The following UNC79 variants were observed in gnomAD, a reference collection of about 807,000 sequenced individuals.
UNC79 encodes unc-79 subunit of NALCN channel complex.
Under a neutral mutation model 283.1 loss-of-function variants are expected in UNC79, and 37 were observed. That is an observed-to-expected ratio of 0.13 (90% CI 0.10 to 0.17). UNC79 has a LOEUF of 0.17. Ranked by LOEUF, UNC79 falls within the 10% of genes least tolerant of loss-of-function variation. UNC79 has a pLI of 1.00. For synonymous variants in UNC79, 1,107 were observed against 1,200.2 expected, an observed-to-expected ratio of 0.92 and a Z score of 1.61; for missense variants, 2,272 against 3,211.1, an observed-to-expected ratio of 0.71 and a Z score of 7.07.
chr14:93,628,242 C>T (rs931882882), intron 30 of UNC79, among the ~76,000 whole-genome samples: 1 of 152,184 alleles, frequency 6.6e-6, no homozygotes, highest in Non-Finnish European at 1.5e-5. Context: ...ACTGCATTCA[C>T]ACTATTCTCA....
chr14:93,582,470 C>T, intron 20 of UNC79, 126 bp downstream of exon 20: 2 of 1,319,696 alleles, frequency 1.5e-6, no homozygotes, highest in South Asian at 3.2e-5. Flanking sequence ...TAGACTCGTG[C>T]AGAGGAACAT....
intron 1 of UNC79, among the ~76,000 whole-genome samples, chr14:93,441,706 T>C (rs1328552150): frequency 6.6e-6 from 1 of 152,204 alleles, no homozygotes; most frequent in Non-Finnish European, 1.5e-5. Context: ...TTGTTTACAA[T>C]TAATACCCAT....
intron 22 of UNC79, among the ~76,000 whole-genome samples, chr14:93,589,361 G>A (rs1188958330): frequency 6.6e-6 from 1 of 152,058 alleles, no homozygotes; most frequent in East Asian, 1.9e-4. Flanking sequence ...GAAAGCAGAT[G>A]AAGCCAGAAA....
At chr14:93,426,416 A>G (rs555724629), upstream of UNC79, among the ~76,000 whole-genome samples, 3 of 150,702 alleles carry the variant, frequency 2.0e-5, no homozygotes, top group African/African-American at 7.3e-5. Context: ...ATTTCCTTAA[A>G]TATTTGTTCT....
At chr14:93,373,232 A>G (rs1366911731) in intron 1 of UNC79, among the ~76,000 whole-genome samples, 1 of 152,230 alleles carries the variant, frequency 6.6e-6, no homozygotes, top group Non-Finnish European at 1.5e-5. Flanking sequence ...CTAAGCTTCC[A>G]CCTTAGAAAA....
exon 34 of UNC79, chr14:93,643,568 G>C: frequency 6.2e-7 from 1 of 1,613,938 alleles, no homozygotes. Context: ...TGCCATGACT[G>C]TGGGGCCATT....
chr14:93,428,184 A>G (rs2055772722), upstream of UNC79, among the ~76,000 whole-genome samples: 3 of 152,170 alleles, frequency 2.0e-5, no homozygotes, highest in South Asian at 6.2e-4. Flanking sequence ...AAATGGAGAA[A>G]TGGAGGCCAC....
chr14:93,706,632 C>A (rs768996628), intron 48 of UNC79, 72 bp from the exon 52 acceptor site: 154 of 1,571,928 alleles, frequency 9.8e-5, no homozygotes, highest in Non-Finnish European at 1.2e-4. Context: ...CTGCAAGAAG[C>A]CGCCCGGGTC....
At chr14:93,511,159 T>C (rs1419077144) in intron 7 of UNC79, among the ~76,000 whole-genome samples, 1 of 152,128 alleles carries the variant, frequency 6.6e-6, no homozygotes, top group Non-Finnish European at 1.5e-5. Flanking sequence ...ACTCACTCAC[T>C]ATTATGAGAA....
rs941023790 is a variant in UNC79 at position 93,578,179 on chromosome 14, C to T, written c.2433+116C>T. 5.2e-5 allele frequency: 53 copies of T among 1,020,076 alleles called. No homozygotes were observed. In the Admixed American group the frequency reaches 5.7e-4, roughly 11 times the overall value. 63.2% of individuals were successfully genotyped at this position (1,020,076 alleles called of 1,614,324 possible). Reference sequence around the variant, plus strand: ...CACTTATCAAAATGATTCAGCATCACCCAAGACCTTTTGCAAACTCCTTTG... The same window carrying T: ...CACTTATCAAAATGATTCAGCATCATCCAAGACCTTTTGCAAACTCCTTTG... On this transcript the variant is annotated intron_variant, in intron 18 of 48. Transcript: ENST00000555664.
rs530942734 is a variant in UNC79, at chr14:93,357,797, A to G, written c.-351+24274A>G. On this transcript the variant is annotated intron_variant, in intron 1 of 49. Transcript: ENST00000256339. Reference sequence around the variant, plus strand: ...TATGTGGATATATGGATATATATATATGGATATATGGATATATATATATGG... The same window carrying G: ...TATGTGGATATATGGATATATATATGTGGATATATGGATATATATATATGG... Among the ~76,000 whole-genome samples the G allele has an allele frequency of 8.7e-5, 11 of 126,878 alleles. No homozygotes were observed. The South Asian group carries it at 2.0e-3, about 23-fold the overall frequency. 83.2% of individuals were successfully genotyped at this position (126,878 alleles called of 152,430 possible). A position where few individuals can be genotyped will look rare whatever the true frequency, so the allele number is the denominator to read the frequency against.
chr14:93,397,812 T>C (rs1014563171), intron 1 of UNC79, among the ~76,000 whole-genome samples: 1 of 148,130 alleles, frequency 6.8e-6, no homozygotes, highest in African/African-American at 2.5e-5. Flanking sequence ...GAATTCCAGC[T>C]ACTTGGGAGA....
intron 2 of UNC79, among the ~76,000 whole-genome samples, chr14:93,471,226 G>A: frequency 6.6e-6 from 1 of 152,154 alleles, no homozygotes; most frequent in Non-Finnish European, 1.5e-5. Context: ...ATTGCATAAT[G>A]AAGTAAATTT....
chr14:93,632,785 C>T (rs1047415185), intron 31 of UNC79, among the ~76,000 whole-genome samples: 5 of 151,980 alleles, frequency 3.3e-5, no homozygotes, highest in Non-Finnish European at 7.4e-5. Flanking sequence ...GTTAAATATA[C>T]CATAAAATGA....
chr14:93,443,235 A>ATAAATAAT (rs2056362428), intron 1 of UNC79, among the ~76,000 whole-genome samples: 1 of 151,324 alleles, frequency 6.6e-6, no homozygotes, highest in African/African-American at 2.4e-5. Flanking sequence ...AAATAAATAA[A>ATAAATAAT]TAAATAAATA....
In UNC79 at chr14:93,471,535, G is replaced by A. The variant is rs566934212; in HGVS notation, c.144-2554G>A. ...GAAAGAATTTCAGGTGGGGAAAATG[G>A]TTTTATCAGCTCCCAAGTTAGGCAG... is the stretch of plus-strand genomic sequence containing the variant. On this transcript the variant is annotated intron_variant, in intron 2 of 48. Transcript: ENST00000555664. Among the ~76,000 whole-genome samples the A allele has an allele frequency of 3.6e-3, 552 of 151,628 alleles. 5 individuals carry two copies. The highest frequency in any genetic ancestry group is 0.013 in the African/African-American group (532 of 41,370).
rs1389003626 is a variant in UNC79, at chr14:93,348,484, GACATC to G, written c.-351+14964_-351+14968del. The G allele has an allele frequency of 2.2e-5, 4 of 183,228 alleles. No individual in the cohort carries two copies. The East Asian group carries it at 5.8e-4, about 26-fold the overall frequency. The allele number at this position is 183,228 out of a possible 1,614,324, so 11.4% of individuals were successfully genotyped here. On this transcript the variant is annotated intron_variant, in intron 1 of 49. Transcript: ENST00000256339. Reference sequence around the variant, plus strand: ...CTATATGGGAGTGAATGTATCTAGTGACATCACCCTTAAAAGATTAGATGTGTAGC... The same window carrying G: ...CTATATGGGAGTGAATGTATCTAGTGACCCTTAAAAGATTAGATGTGTAGC...
chr14:93,554,056 G>A (rs1157500537), intron 14 of UNC79, among the ~76,000 whole-genome samples: 1 of 152,094 alleles, frequency 6.6e-6, no homozygotes, highest in East Asian at 1.9e-4. Flanking sequence ...ACCAGACCCA[G>A]TAAAGACAGC....
chr14:93,484,045 G>A (rs1392484522), intron 4 of UNC79, among the ~76,000 whole-genome samples: 1 of 152,088 alleles, frequency 6.6e-6, no homozygotes, highest in Non-Finnish European at 1.5e-5. Context: ...AATCCTTTGG[G>A]TATATACCCA....
Sources: gnomAD v4.1 joint callset for allele counts (sites outside exome capture counted in the v4.1 genomes callset) on GRCh38, gnomAD v4.1.1 for gene constraint, MANE v1.5 for transcripts, NCBI Gene and HGNC (gene_info 2026-07-23, HGNC 2026-07-21) for gene names.